Variants in OSBPL8 observed in about 807,000 individuals in gnomAD.
OSBPL8 encodes the protein oxysterol-binding protein-related protein 8.
A neutral mutation model predicts 125.5 loss-of-function variants in OSBPL8; 59 were observed. The ratio of observed to expected loss-of-function variants is 0.47; its 90% confidence interval spans 0.38 to 0.58. The LOEUF is 0.58. Ranked by LOEUF, OSBPL8 falls within the 20% of genes least tolerant of loss-of-function variation. OSBPL8 has a pLI of 0.00. For synonymous variants in OSBPL8, 330 were observed against 338.9 expected (o/e 0.97, Z 0.29); for missense variants, 758 against 1,047.8 (o/e 0.72, Z 3.82).
intron 17 of OSBPL8, among the ~76,000 whole-genome samples, chr12:76,373,833 C>T (rs375502247): frequency 4.0e-4 from 60 of 151,866 alleles, no homozygotes; most frequent in East Asian, 3.9e-4. Context: ...AATAACACCC[C>T]TTCCTTAAAA....
At chr12:76,539,589 C>T (rs1950588922) in intron 1 of OSBPL8, among the ~76,000 whole-genome samples, 1 of 152,162 alleles carries the variant, frequency 6.6e-6, no homozygotes, top group Admixed American at 6.5e-5. Context: ...AATAATGTAG[C>T]AATGTTAATT....
At chr12:76,408,794 G>A (rs945070953) in intron 5 of OSBPL8, among the ~76,000 whole-genome samples, 3 of 151,814 alleles carry the variant, frequency 2.0e-5, no homozygotes, top group Non-Finnish European at 2.9e-5. Flanking sequence ...GTTCCTCCCC[G>A]CCCCCCATTA....
intron 4 of OSBPL8, 51 bp downstream of exon 4, chr12:76,450,800 C>CCAAAAA (rs752317651): frequency 6.6e-6 from 10 of 1,525,744 alleles, no homozygotes; most frequent in South Asian, 2.5e-5. Context: ...CTTCTCCCCT[C>CCAAAAA]CAAAAACAAA....
chr12:76,528,152 T>G (rs1259942759), intron 1 of OSBPL8, among the ~76,000 whole-genome samples: 1 of 151,832 alleles, frequency 6.6e-6, no homozygotes, highest in Non-Finnish European at 1.5e-5. Flanking sequence ...GAAACTCTGT[T>G]TCTACTAAAA....
rs547383533 is a variant in OSBPL8, at chr12:76,375,716, T to C, written c.1730-346A>G. On this transcript the variant is annotated intron_variant, in intron 16 of 23. Coordinates refer to ENST00000261183, the MANE Select transcript of OSBPL8 (RefSeq NM_020841.5). ...AGCTGAGGCTGAGCAAGGCAAACAC[T>C]CTTGGTTCAGCTCCCACATTGTTTT... Among the ~76,000 whole-genome samples, 58 of 150,162 alleles carry C rather than the reference T, an allele frequency of 3.9e-4. 1 individual carries two copies. Among genetic ancestry groups the C allele is most frequent in the Admixed American group, 3.0e-3 (44 of 14,872 alleles).
Position 76,559,619 on chromosome 12 carries a change from G to C in OSBPL8, c.-290C>G, listed in dbSNP as rs1194829341. 1 of 152,344 alleles carries C rather than the reference G, an allele frequency of 6.6e-6. No homozygotes were observed. The highest frequency in any genetic ancestry group is 1.9e-4 in the East Asian group (1 of 5,156). The allele number at this position is 152,344 out of a possible 1,614,324, so 9.4% of individuals were successfully genotyped here. A position where few individuals can be genotyped will look rare whatever the true frequency, so the allele number is the denominator to read the frequency against. On this transcript the variant is annotated 5_prime_UTR_variant, in exon 1 of 24. Coordinates refer to ENST00000261183, the MANE Select transcript of OSBPL8 (RefSeq NM_020841.5). The stretch of plus-strand genomic sequence containing the variant: ...GAGCGGGGCGGGAACTTTCGGCCCC[G>C]AGGTCCACCAGCCCGGGCGGACCCC...
intron 1 of OSBPL8, among the ~76,000 whole-genome samples, chr12:76,506,419 T>A (rs759934162): frequency 6.6e-6 from 1 of 152,096 alleles, no homozygotes; most frequent in Admixed American, 6.5e-5. Context: ...AACCATAACA[T>A]TGAATGAGAT....
At chr12:76,464,328 T>C (rs1235537671) in intron 2 of OSBPL8, among the ~76,000 whole-genome samples, 2 of 152,210 alleles carry the variant, frequency 1.3e-5, no homozygotes, top group Non-Finnish European at 2.9e-5. Context: ...TTTGAGTATG[T>C]TATTGTTTAC....
At chr12:76,532,462 T>C (rs1950371079) in intron 1 of OSBPL8, among the ~76,000 whole-genome samples, 1 of 152,204 alleles carries the variant, frequency 6.6e-6, no homozygotes, top group Non-Finnish European at 1.5e-5. Flanking sequence ...CTTATATGTA[T>C]TAGGATCATG....
At chr12:76,366,022 A>G (rs766667298) in intron 21 of OSBPL8, among the ~76,000 whole-genome samples, 5 of 152,202 alleles carry the variant, frequency 3.3e-5, no homozygotes, top group Non-Finnish European at 5.9e-5. Flanking sequence ...AATCTTATTT[A>G]TAAAGGTTAT....
chr12:76,434,414 G>A (rs1871207881), intron 4 of OSBPL8, among the ~76,000 whole-genome samples: 1 of 151,928 alleles, frequency 6.6e-6, no homozygotes, highest in Admixed American at 6.6e-5. Context: ...GAAGGAAAAG[G>A]GAAAAAAAGC....
chr12:76,477,943 C>T (rs57239799), intron 2 of OSBPL8, among the ~76,000 whole-genome samples: 2,811 of 151,870 alleles, frequency 0.019, 68 homozygotes, highest in African/African-American at 0.06. Context: ...GTGGCTCACA[C>T]CTGTAATCCC....
intron 2 of OSBPL8, among the ~76,000 whole-genome samples, chr12:76,482,004 T>G (rs1410754631): frequency 6.6e-6 from 1 of 152,162 alleles, no homozygotes; most frequent in Non-Finnish European, 1.5e-5. Context: ...TTACAGGAAG[T>G]TGGATCATCT....
chr12:76,498,002 T>TCCAATGCATCA (rs1204481057), intron 1 of OSBPL8, among the ~76,000 whole-genome samples: 1 of 152,258 alleles, frequency 6.6e-6, no homozygotes, highest in African/African-American at 2.4e-5. Context: ...TCATTCCATT[T>TCCAATGCATCA]TAAGGATATG....
chr12:76,472,927 C>G (rs1425452254), intron 2 of OSBPL8, among the ~76,000 whole-genome samples: 2 of 152,034 alleles, frequency 1.3e-5, no homozygotes, highest in African/African-American at 4.8e-5. Context: ...TCTAAACTCC[C>G]CCGGGGAAAG....
At chr12:76,374,338 T>C (rs1025663020) in intron 17 of OSBPL8, among the ~76,000 whole-genome samples, 2 of 152,158 alleles carry the variant, frequency 1.3e-5, no homozygotes, top group Non-Finnish European at 2.9e-5. Context: ...CCACATACTC[T>C]TCCTCAAGGA....
chr12:76,465,233 G>A (rs923263457), intron 2 of OSBPL8, among the ~76,000 whole-genome samples: 3 of 152,052 alleles, frequency 2.0e-5, no homozygotes, highest in African/African-American at 7.2e-5. Context: ...CCCCTCCTAG[G>A]AATATTAATA....
rs375592712 is a variant in OSBPL8, at chr12:76,390,588, T to C, written c.999A>G (p.Lys333=). The change falls in exon 11 of 24, where the codon AAA becomes AAG. Residue 333 remains lysine, a synonymous_variant. Transcript: ENST00000261183. The part of the protein sequence containing the change: ...DQDMYSDKSD[K]ENDQEHDESD... ...ACTCATCATGTTCTTGATCATTTTC[T>C]TTATCAGATTTATCAGAATACATAT... The C allele has an allele frequency of 6.2e-7, 1 of 1,613,748 alleles. No homozygotes were observed.
At chr12:76,455,584 CAAG>C (rs1324544426) in intron 3 of OSBPL8, among the ~76,000 whole-genome samples, 3 of 152,146 alleles carry the variant, frequency 2.0e-5, no homozygotes, top group Admixed American at 2.0e-4. Context: ...CGTGAAGTAA[CAAG>C]AATATGCAGA....
Sources: allele counts gnomAD v4.1 joint callset (sites outside exome capture counted in the v4.1 genomes callset), GRCh38; gene constraint gnomAD v4.1.1; transcripts MANE v1.5; gene names NCBI Gene and HGNC (gene_info 2026-07-23, HGNC 2026-07-21).